Variants in CORO2B observed in about 807,000 individuals in gnomAD.
CORO2B encodes the protein coronin-2B.
In CORO2B, 26 loss-of-function variants were observed where a neutral mutation model predicts 58.8. The ratio of observed to expected loss-of-function variants is 0.44; its 90% CI spans 0.32 to 0.61. CORO2B has a LOEUF of 0.61. Ranked by LOEUF, CORO2B falls within the 20% of genes least tolerant of loss-of-function variation. CORO2B has a pLI of 0.04. For synonymous variants in CORO2B, 242 were observed against 253.8 expected, an observed-to-expected ratio of 0.95 and a Z score of 0.44; for missense variants, 460 against 645.1, an observed-to-expected ratio of 0.71 and a Z score of 3.11.
At chr15:68,636,865 G>A (rs1901048053) in intron 1 of CORO2B, among the ~76,000 whole-genome samples, 1 of 152,232 alleles carries the variant, frequency 6.6e-6, no homozygotes, top group Non-Finnish European at 1.5e-5. Context: ...CTGCAGTGAT[G>A]GAAATGCTCT....
intron 2 of CORO2B, among the ~76,000 whole-genome samples, chr15:68,659,254 G>A (rs138869240): frequency 2.6e-5 from 4 of 152,234 alleles, no homozygotes; most frequent in Non-Finnish European, 5.9e-5. Flanking sequence ...TAAGGGCGCT[G>A]ACCCCTGCAC....
chr15:68,661,615 C>T (rs1257195103), intron 2 of CORO2B, among the ~76,000 whole-genome samples: 1 of 152,180 alleles, frequency 6.6e-6, no homozygotes, highest in Non-Finnish European at 1.5e-5. Flanking sequence ...TTAGCCTACC[C>T]CTTTCTGCCT....
intron 11 of CORO2B, among the ~76,000 whole-genome samples, chr15:68,725,149 T>A (rs1284530934): frequency 6.6e-6 from 1 of 151,990 alleles, no homozygotes; most frequent in African/African-American, 2.4e-5. Flanking sequence ...TGGGTGGATC[T>A]CTTGAGGTCA....
intron 1 of CORO2B, among the ~76,000 whole-genome samples, chr15:68,642,065 C>G (rs1370368610): frequency 3.3e-5 from 4 of 120,110 alleles, no homozygotes; most frequent in Non-Finnish European, 4.9e-5. Flanking sequence ...GAGACAGAGT[C>G]TCATTCTGTT....
the CORO2B span, among the ~76,000 whole-genome samples, chr15:68,571,872 G>C: frequency 6.6e-6 from 1 of 152,360 alleles, no homozygotes. Flanking sequence ...TTAGCCCCAA[G>C]GAGGTGGTAA....
rs537412858 is a variant in CORO2B at position 68,659,477 on chromosome 15, C to T, written c.216+14117C>T. 3.3e-5 allele frequency among the ~76,000 whole-genome samples: 5 copies of T among 152,292 alleles called. No individual in the cohort carries two copies. In the East Asian group the frequency reaches 9.6e-4, roughly 29 times the overall value. ...CCTGTAATCCCAGCACATTGGGAGGCCCAGGCAGGAAGATCACTTGAGGCC... is the reference window on the plus strand; with the variant it reads ...CCTGTAATCCCAGCACATTGGGAGGTCCAGGCAGGAAGATCACTTGAGGCC... On this transcript the variant is annotated intron_variant, in intron 2 of 11. Coordinates refer to ENST00000261861, the MANE Select transcript of CORO2B (RefSeq NM_006091.5).
At chr15:68,693,632 C>A (rs1439057832) in intron 2 of CORO2B, among the ~76,000 whole-genome samples, 3 of 152,220 alleles carry the variant, frequency 2.0e-5, no homozygotes, top group African/African-American at 7.2e-5. Context: ...CATGGAACAG[C>A]TCTTCCACAC....
chr15:68,661,235 C>T lies in CORO2B; in HGVS notation c.216+15875C>T, dbSNP rs553737559. On this transcript the variant is annotated intron_variant, in intron 2 of 11. Coordinates refer to ENST00000261861, the MANE Select transcript of CORO2B (RefSeq NM_006091.5). The stretch of plus-strand genomic sequence containing the variant: ...TCAAGTGATCCACCCACCTCGGCCT[C>T]CCAAAGTGCTGGGATTATAGGCGTG... 3.9e-5 allele frequency among the ~76,000 whole-genome samples: 6 copies of T among 152,300 alleles called. No individual in the cohort carries two copies. The South Asian group carries it at 1.0e-3, about 26-fold the overall frequency.
intron 3 of CORO2B, among the ~76,000 whole-genome samples, chr15:68,708,518 G>A (rs542368467): frequency 7.9e-4 from 119 of 151,506 alleles, no homozygotes; most frequent in Non-Finnish European, 1.6e-3. Flanking sequence ...CTGCCACTAC[G>A]CCTGGCTAAT....
At chr15:68,573,324 A>G in the CORO2B span, among the ~76,000 whole-genome samples, 1 of 152,160 alleles carries the variant, frequency 6.6e-6, no homozygotes, top group Non-Finnish European at 1.5e-5. Flanking sequence ...GTCCACAGAG[A>G]CAGGAGATGG....
chr15:68,629,721 G>A (rs1900775241), intron 1 of CORO2B, among the ~76,000 whole-genome samples: 2 of 152,186 alleles, frequency 1.3e-5, no homozygotes, highest in South Asian at 4.1e-4. Flanking sequence ...CAGATCAGGA[G>A]GACTTGGACG....
chr15:68,557,127 C>A, the CORO2B span, among the ~76,000 whole-genome samples: 2 of 152,236 alleles, frequency 1.3e-5, no homozygotes, highest in African/African-American at 4.8e-5. Context: ...CTTGCCTCTG[C>A]CAGGAGGCCA....
chr15:68,645,356 A>C lies in CORO2B; in HGVS notation c.212A>C (p.Glu71Ala), dbSNP rs528673262. ...GGCTCCTTCCTCGTCATCCCCCTGGAGCAGGTAGGTGGCCCCTACCTTCAC... is the reference window on the plus strand; with the variant it reads ...GGCTCCTTCCTCGTCATCCCCCTGGCGCAGGTAGGTGGCCCCTACCTTCAC... ...GGGSFLVIPLEQTGRIEPNYP... is the reference protein window; with the variant it reads ...GGGSFLVIPLAQTGRIEPNYP... The change falls in exon 2 of 12, where the codon GAG becomes GCG. Residue 71 changes from glutamate (E) to alanine (A), a missense_variant. Physicochemically the swap from Glu to Ala is moderately radical, Grantham distance 107 (BLOSUM62 -1). Transcript: ENST00000261861. The surrounding 1 kb of genome is among the most constrained non-coding windows in gnomAD (Gnocchi z 4.5). 1 of 1,609,574 alleles carries C rather than the reference A, an allele frequency of 6.2e-7. No homozygotes were observed. The highest frequency in any genetic ancestry group is 1.7e-5 in the Admixed American group (1 of 59,828).
chr15:68,693,480 C>T (rs1298838559), intron 2 of CORO2B, among the ~76,000 whole-genome samples: 1 of 152,214 alleles, frequency 6.6e-6, no homozygotes, highest in African/African-American at 2.4e-5. Flanking sequence ...CCACTGTTAG[C>T]AGATGGGCCG....
chr15:68,538,616 C>A, the CORO2B span, among the ~76,000 whole-genome samples: 2 of 152,178 alleles, frequency 1.3e-5, no homozygotes, highest in African/African-American at 4.8e-5. Context: ...CCATTTTGGT[C>A]CTTTCTCTTC....
chr15:68,566,231 G>C, the CORO2B span, among the ~76,000 whole-genome samples: 1 of 152,158 alleles, frequency 6.6e-6, no homozygotes, highest in African/African-American at 2.4e-5. Context: ...GATGTGTTTT[G>C]AGTCCTTACT....
Position 68,669,378 on chromosome 15 carries a change from C to G in CORO2B, c.216+24018C>G, listed in dbSNP as rs79282303. Among the ~76,000 whole-genome samples, 508 of 152,288 alleles carry G rather than the reference C, an allele frequency of 3.3e-3. 18 individuals are homozygous for G. The East Asian group carries it at 0.088, about 26-fold the overall frequency. On this transcript the variant is annotated intron_variant, in intron 2 of 11. Coordinates refer to ENST00000261861, the MANE Select transcript of CORO2B (RefSeq NM_006091.5). The stretch of plus-strand genomic sequence containing the variant: ...TGGCACCTCTGCAGTTGGGCAGATT[C>G]CCTAAAGGGAACAGGGAATCTTGCT...
chr15:68,558,636 A>G, the CORO2B span, among the ~76,000 whole-genome samples: 4 of 152,080 alleles, frequency 2.6e-5, no homozygotes, highest in African/African-American at 9.7e-5. Flanking sequence ...CCAGTCTCTC[A>G]AAGTGCTGGG....
At chr15:68,676,667 C>T (rs949018328) in intron 2 of CORO2B, among the ~76,000 whole-genome samples, 2 of 152,242 alleles carry the variant, frequency 1.3e-5, no homozygotes, top group African/African-American at 4.8e-5. Context: ...AGCATGCGCA[C>T]ACCGCAGCCA....
Sources: allele counts gnomAD v4.1 joint callset (sites outside exome capture counted in the v4.1 genomes callset), GRCh38; gene constraint gnomAD v4.1.1; non-coding constraint Gnocchi (gnomAD v3.1); transcripts MANE v1.5; gene names NCBI Gene and HGNC (gene_info 2026-07-23, HGNC 2026-07-21).